Variants in PLCZ1 observed in about 807,000 individuals in gnomAD.
PLCZ1 encodes phospholipase C zeta 1.
In PLCZ1, 64 loss-of-function variants were observed where a neutral mutation model predicts 76.8. That is an observed-to-expected ratio of 0.83 (90% CI 0.68 to 1.03). PLCZ1 has a LOEUF of 1.03. PLCZ1 is among the 50% of genes least tolerant of loss of function. PLCZ1 has a pLI of 0.00. For missense variants in PLCZ1, 751 were observed against 713.7 expected (o/e 1.05, Z -0.60); for synonymous variants, 248 against 230.8 (o/e 1.07, Z -0.68).
rs759053785 is a variant in PLCZ1 at position 18,723,427 on chromosome 12, C to T, written c.251G>A (p.Arg84Gln). 58 of 1,612,730 alleles carry T rather than the reference C, an allele frequency of 3.6e-5. No homozygotes were observed. The highest frequency in any genetic ancestry group is 3.7e-5 in the Non-Finnish European group (44 of 1,179,360). The change falls in exon 4 of 15, where the codon CGG becomes CAG. Residue 84 changes from arginine to glutamine, a missense_variant. By Grantham distance (43) the Arg-to-Gln change is conservative. Coordinates refer to ENST00000266505, the MANE Select transcript of PLCZ1 (RefSeq NM_033123.4). The part of the protein sequence containing the change: ...IEIFNTYSEN[R>Q]KILLASNLAQ... The stretch of plus-strand genomic sequence containing the variant: ...CAGATTACTTGCTAAAAGAATTTTC[C>T]GGTTTTCAGAATATGTGTTGAAAAT...
chr12:18,726,867 G>A (rs758560559), intron 3 of PLCZ1, among the ~76,000 whole-genome samples: 24 of 151,854 alleles, frequency 1.6e-4, no homozygotes, highest in Non-Finnish European at 2.5e-4. Flanking sequence ...CCAAACTCTC[G>A]CGCTAGTTTA....
intron 5 of PLCZ1, among the ~76,000 whole-genome samples, chr12:18,716,797 T>C (rs554162280): frequency 2.6e-5 from 4 of 152,368 alleles, no homozygotes; most frequent in East Asian, 1.9e-4. Flanking sequence ...TTATTTAGAT[T>C]GTGTAATGTT....
downstream of PLCZ1, among the ~76,000 whole-genome samples, chr12:18,682,285 GAT>G (rs1173480265): frequency 6.6e-6 from 1 of 151,974 alleles, no homozygotes; most frequent in African/African-American, 2.4e-5. Context: ...TGGTCATAAA[GAT>G]ATCACGTGTT....
At chr12:18,723,211 C>T in intron 4 of PLCZ1, 100 bp downstream of exon 4, 1 of 1,072,116 alleles carries the variant, frequency 9.3e-7, no homozygotes, top group Non-Finnish European at 1.4e-6. Context: ...AATTTGATAA[C>T]CACAATTCAT....
intron 6 of PLCZ1, among the ~76,000 whole-genome samples, chr12:18,706,724 T>C (rs1956654068): frequency 2.0e-5 from 3 of 152,218 alleles, no homozygotes; most frequent in African/African-American, 7.2e-5. Context: ...TCACAAGTCT[T>C]ACTGCATTTT....
intron 3 of PLCZ1, among the ~76,000 whole-genome samples, chr12:18,733,316 C>A (rs536132075): frequency 1.5e-4 from 23 of 152,264 alleles, no homozygotes; most frequent in African/African-American, 5.1e-4. Flanking sequence ...GGTTTCCATT[C>A]TATGGAGTTG....
At chr12:18,737,641 C>T (rs892423199) in intron 1 of PLCZ1, 132 bp from the exon 2 acceptor site, 12 of 571,692 alleles carry the variant, frequency 2.1e-5, no homozygotes, top group Non-Finnish European at 3.4e-5. Flanking sequence ...TGTTTGGCTT[C>T]TTACGTTCTG....
intron 4 of PLCZ1, among the ~76,000 whole-genome samples, chr12:18,720,573 G>T (rs1254170006): frequency 6.6e-6 from 1 of 151,644 alleles, no homozygotes; most frequent in African/African-American, 2.4e-5. Context: ...TCTGTGGAAT[G>T]GGGGTAATAA....
At chr12:18,647,372 A>G in the PLCZ1 span, among the ~76,000 whole-genome samples, 1 of 151,864 alleles carries the variant, frequency 6.6e-6, no homozygotes, top group Non-Finnish European at 1.5e-5. Flanking sequence ...AGGCAACATG[A>G]TCATTAGAAG....
the PLCZ1 span, among the ~76,000 whole-genome samples, chr12:18,657,735 T>G: frequency 6.6e-6 from 1 of 152,130 alleles, no homozygotes; most frequent in Non-Finnish European, 1.5e-5. Flanking sequence ...TTTCTAGAGT[T>G]GCCACACTAT....
At chr12:18,705,714 A>C (rs1441514845) in intron 6 of PLCZ1, among the ~76,000 whole-genome samples, 1 of 150,606 alleles carries the variant, frequency 6.6e-6, no homozygotes, top group African/African-American at 2.4e-5. Context: ...AAAATCACAA[A>C]AATTAGCCAG....
intron 3 of PLCZ1, among the ~76,000 whole-genome samples, chr12:18,727,055 A>C (rs1958793606): frequency 6.6e-6 from 1 of 152,144 alleles, no homozygotes; most frequent in East Asian, 1.9e-4. Flanking sequence ...GCCGAAATAT[A>C]ATCTTTGTAG....
chr12:18,718,788 C>T (rs529805281), intron 5 of PLCZ1, among the ~76,000 whole-genome samples: 9 of 152,284 alleles, frequency 5.9e-5, no homozygotes, highest in African/African-American at 2.2e-4. Flanking sequence ...TATTATCTGT[C>T]TATCTGCTTG....
rs1242127347 is a variant in PLCZ1, at chr12:18,694,990, G to A, written c.1381C>T (p.Pro461Ser). The A allele has an allele frequency of 6.2e-7, 1 of 1,610,148 alleles. No homozygotes were observed. The highest frequency in any genetic ancestry group is 8.5e-7 in the Non-Finnish European group (1 of 1,176,764). Reference sequence around the variant, plus strand: ...GATTTACTCTCTCTTAAGAAATGTGGTTTCAAAATATATCCAGAACCACCA... The same window carrying A: ...GATTTACTCTCTCTTAAGAAATGTGATTTCAAAATATATCCAGAACCACCA... Reference protein sequence around the residue: ...DNGGSGYILKPHFLRESKSYF... With the variant: ...DNGGSGYILKSHFLRESKSYF... Residue 461 changes from proline to serine, a missense_variant, in exon 12 of 15, where the codon CCA becomes TCA. Physicochemically the swap from Pro to Ser is moderately conservative, Grantham distance 74. Coordinates refer to ENST00000266505, the MANE Select transcript of PLCZ1 (RefSeq NM_033123.4).
intron 5 of PLCZ1, 81 bp downstream of exon 5, chr12:18,719,350 C>A: frequency 2.7e-6 from 2 of 741,994 alleles, no homozygotes; most frequent in Admixed American, 3.8e-5. Context: ...TTTTATTGTG[C>A]ACTCTTGCCT....
the PLCZ1 span, among the ~76,000 whole-genome samples, chr12:18,664,487 G>A: frequency 6.6e-6 from 1 of 152,222 alleles, no homozygotes; most frequent in African/African-American, 2.4e-5. Flanking sequence ...TGAACTTAGA[G>A]GGCATTATGC....
the PLCZ1 span, among the ~76,000 whole-genome samples, chr12:18,647,434 T>C: frequency 6.6e-6 from 1 of 150,494 alleles, no homozygotes; most frequent in African/African-American, 2.4e-5. Context: ...TGCACATCTA[T>C]TCCCCTGAAT....
chr12:18,687,955 G>A, intron 13 of PLCZ1, 134 bp downstream of exon 13: 1 of 1,147,156 alleles, frequency 8.7e-7, no homozygotes, highest in Non-Finnish European at 1.2e-6. Flanking sequence ...ATAACATTTT[G>A]CTAATTTTGG....
At chr12:18,705,923 T>C (rs1489741556) in intron 6 of PLCZ1, among the ~76,000 whole-genome samples, 1 of 147,568 alleles carries the variant, frequency 6.8e-6, no homozygotes, top group Non-Finnish European at 1.5e-5. Flanking sequence ...AGGAATGATA[T>C]AGACCAATTA....
Sources: gnomAD v4.1 joint callset for allele counts (sites outside exome capture counted in the v4.1 genomes callset) on GRCh38, gnomAD v4.1.1 for gene constraint, MANE v1.5 for transcripts, NCBI Gene and HGNC (gene_info 2026-07-23, HGNC 2026-07-21) for gene names.